The following PLXNC1 variants were observed in gnomAD, a reference collection of about 807,000 sequenced individuals.
The protein encoded by PLXNC1 is plexin-C1.
A neutral mutation model predicts 178.2 loss-of-function variants in PLXNC1; 75 were observed. The ratio of observed to expected loss-of-function variants is 0.42; its 90% CI spans 0.35 to 0.51. The LOEUF is 0.51. PLXNC1 is among the 20% of genes least tolerant of loss of function. The pLI is 0.02. For missense variants in PLXNC1, 1,503 were observed against 1,984.4 expected, an observed-to-expected ratio of 0.76 and a Z score of 4.61; for synonymous variants, 790 against 779.9, an observed-to-expected ratio of 1.01 and a Z score of -0.22.
intron 1 of PLXNC1, among the ~76,000 whole-genome samples, chr12:94,163,094 G>A (rs777255670): frequency 1.3e-5 from 2 of 152,186 alleles, no homozygotes; most frequent in Non-Finnish European, 2.9e-5. Context: ...GGCCAGGTGC[G>A]GTGGCTCACA....
chr12:94,203,934 T>C (rs1395618971), intron 4 of PLXNC1, among the ~76,000 whole-genome samples: 1 of 152,226 alleles, frequency 6.6e-6, no homozygotes, highest in Non-Finnish European at 1.5e-5. Context: ...ATAGAAGGGC[T>C]TCAGGCTGCA....
In PLXNC1 at chr12:94,305,193, C is replaced by T. The variant is rs1165038688; in HGVS notation, c.4615C>T (p.Leu1539=). 5 of 1,603,182 alleles carry T rather than the reference C, an allele frequency of 3.1e-6. No individual in the cohort carries two copies. The highest frequency in any genetic ancestry group is 1.3e-5 in the African/African-American group (1 of 74,510). Reference sequence around the variant, plus strand: ...TAATTGTCAACAGATTCTAAATAAACTAGAAAGAGAACGAGGGCTGGAAGA... The same window carrying T: ...TAATTGTCAACAGATTCTAAATAAATTAGAAAGAGAACGAGGGCTGGAAGA... ...VKYFDEILNK[L]ERERGLEEAQ... Residue 1539 remains leucine (L), a synonymous_variant, in exon 31 of 31, where the codon CTA becomes TTA. Transcript: ENST00000258526.
At chr12:94,282,502 T>C in intron 23 of PLXNC1, 101 bp downstream of exon 23, 1 of 789,324 alleles carries the variant, frequency 1.3e-6, no homozygotes. Flanking sequence ...TTTCCTGGAA[T>C]GACTTGCAGA....
intron 9 of PLXNC1, among the ~76,000 whole-genome samples, chr12:94,234,996 A>G (rs1377162509): frequency 6.6e-6 from 1 of 152,170 alleles, no homozygotes; most frequent in Admixed American, 6.5e-5. Flanking sequence ...TGTTTTAAAA[A>G]TGTTGTTTTA....
intron 1 of PLXNC1, among the ~76,000 whole-genome samples, chr12:94,161,115 C>T (rs999572953): frequency 6.6e-6 from 1 of 152,098 alleles, no homozygotes; most frequent in Non-Finnish European, 1.5e-5. Flanking sequence ...TTCATGGATT[C>T]CCTGAATTCT....
intron 4 of PLXNC1, among the ~76,000 whole-genome samples, chr12:94,206,117 T>TATGGG: frequency 6.6e-6 from 1 of 152,332 alleles, no homozygotes; most frequent in Middle Eastern, 3.4e-3. Context: ...TCAGGGATAT[T>TATGGG]ATGGGTTACA....
chr12:94,219,333 G>A (rs1963727199), intron 5 of PLXNC1, among the ~76,000 whole-genome samples: 1 of 152,170 alleles, frequency 6.6e-6, no homozygotes, highest in Admixed American at 6.5e-5. Context: ...GTGGGAAAAG[G>A]AGGTTTGTTT....
chr12:94,270,886 GA>G (rs952604882), intron 21 of PLXNC1, among the ~76,000 whole-genome samples: 22 of 152,158 alleles, frequency 1.4e-4, no homozygotes, highest in African/African-American at 5.3e-4. Flanking sequence ...GTGGGGAAAG[GA>G]AAAGGGGAGC....
intron 17 of PLXNC1, among the ~76,000 whole-genome samples, chr12:94,257,201 G>A (rs184256312): frequency 6.9e-4 from 105 of 152,278 alleles, no homozygotes; most frequent in African/African-American, 2.5e-3. Flanking sequence ...ATCAGAAGCC[G>A]AATCCTCTAG....
In PLXNC1 at chr12:94,240,652, C is replaced by T. The variant is rs1210138330; in HGVS notation, c.2288C>T (p.Thr763Ile). ...LPHCSLIFPA[T>I]TWISGGQNIT... is the part of the protein sequence containing the mutation. ...CATTGTTCCCTTATATTTCCTGCTA[C>T]CACCTGGATCAGGTACTTTCTAGAT... Residue 763 changes from threonine (T) to isoleucine (I), a missense_variant, in exon 11 of 31, where the codon ACC becomes ATC. Coordinates refer to ENST00000258526, the MANE Select transcript of PLXNC1 (RefSeq NM_005761.3). The T allele has an allele frequency of 1.9e-6, 3 of 1,611,448 alleles. No individual in the cohort carries two copies. The highest frequency in any genetic ancestry group is 1.1e-5 in the South Asian group (1 of 90,830).
At chr12:94,297,463 G>A (rs377271797) in intron 26 of PLXNC1, 40 bp downstream of exon 26, 3 of 1,342,576 alleles carry the variant, frequency 2.2e-6, no homozygotes, top group Non-Finnish European at 2.1e-6. Flanking sequence ...GGCTACCTAG[G>A]GGGTGTATGA....
intron 11 of PLXNC1, among the ~76,000 whole-genome samples, chr12:94,242,302 A>ATTTTT (rs59056862): frequency 6.2e-5 from 6 of 97,376 alleles, no homozygotes; most frequent in African/African-American, 1.8e-4. Flanking sequence ...AATCTCCCCA[A>ATTTTT]TTTTTTTTTT....
chr12:94,263,664 T>C (rs1326931460), intron 20 of PLXNC1, among the ~76,000 whole-genome samples: 1 of 151,848 alleles, frequency 6.6e-6, no homozygotes, highest in Non-Finnish European at 1.5e-5. Context: ...AGGGTGAGGT[T>C]GTAAACCACT....
At chr12:94,250,574 T>G (rs910511183) in intron 14 of PLXNC1, among the ~76,000 whole-genome samples, 2 of 152,174 alleles carry the variant, frequency 1.3e-5, no homozygotes, top group Non-Finnish European at 2.9e-5. Context: ...AATACTTGTA[T>G]GTACATCAGT....
intron 3 of PLXNC1, among the ~76,000 whole-genome samples, chr12:94,185,139 A>G (rs1962464265): frequency 6.6e-6 from 1 of 152,200 alleles, no homozygotes. Context: ...GGCATTTGTG[A>G]ACTACAAGGA....
At chr12:94,279,932 G>C in intron 22 of PLXNC1, 1 of 544,426 alleles carries the variant, frequency 1.8e-6, no homozygotes. Context: ...TGCAGGCCCT[G>C]AGACTGCACG....
At chr12:94,185,579 T>G (rs1962478772) in intron 3 of PLXNC1, among the ~76,000 whole-genome samples, 1 of 152,226 alleles carries the variant, frequency 6.6e-6, no homozygotes. Flanking sequence ...GGCTGCTGTT[T>G]CCTGACAATG....
intron 4 of PLXNC1, among the ~76,000 whole-genome samples, chr12:94,207,232 T>A (rs543715231): frequency 1.1e-4 from 17 of 152,080 alleles, no homozygotes; most frequent in Non-Finnish European, 1.5e-4. Context: ...GGTTGTTTTT[T>A]TATATATATA....
chr12:94,257,972 C>G (rs1203046150), intron 17 of PLXNC1, among the ~76,000 whole-genome samples: 3 of 148,314 alleles, frequency 2.0e-5, no homozygotes, highest in African/African-American at 5.0e-5. Flanking sequence ...TGCAGTGAGC[C>G]GAGATCACGC....
Sources: gnomAD v4.1 joint callset for allele counts (sites outside exome capture counted in the v4.1 genomes callset) on GRCh38, gnomAD v4.1.1 for gene constraint, MANE v1.5 for transcripts, NCBI Gene and HGNC (gene_info 2026-07-23, HGNC 2026-07-21) for gene names.